The following STK33 variants were observed in gnomAD, a reference collection of about 807,000 sequenced individuals.
The protein encoded by STK33 is serine/threonine kinase 33.
Under a neutral mutation model 58.0 loss-of-function variants are expected in STK33, and 52 were observed. The observed-to-expected ratio is 0.90, with a 90% CI of 0.72 to 1.13. STK33 has a LOEUF of 1.13. Ranked by LOEUF, STK33 falls within the 50% of genes most tolerant of loss-of-function variation. The probability of loss-of-function intolerance (pLI) is 0.00; values close to 1 mark genes in which losing one functional copy is unlikely to be tolerated. For synonymous variants in STK33, 215 were observed against 200.1 expected, an observed-to-expected ratio of 1.07 and a Z score of -0.63; for missense variants, 630 against 604.2, an observed-to-expected ratio of 1.04 and a Z score of -0.45.
Position 8,577,344 on chromosome 11 carries a change from T to C in STK33, c.-466+16739A>G, listed in dbSNP as rs1036599111. On this transcript the variant is annotated intron_variant, in intron 1 of 15. Coordinates refer to ENST00000687296, the MANE Select transcript of STK33 (RefSeq NM_001352389.2). ...ATAGCAGAAGGAAAAATCAAAGATA[T>C]TTCAAGAATTCATTAATAAATCAGA... is the stretch of plus-strand genomic sequence containing the variant. 1.3e-5 allele frequency among the ~76,000 whole-genome samples: 2 copies of C among 152,084 alleles called. 1 individual carries two copies. Among genetic ancestry groups the C allele is most frequent in the Non-Finnish European group, 2.9e-5 (2 of 67,974 alleles).
chr11:8,593,403 C>A (rs2032925744), intron 1 of STK33, among the ~76,000 whole-genome samples: 1 of 152,208 alleles, frequency 6.6e-6, no homozygotes. Context: ...CCACTCTTAG[C>A]ATGCAAATAT....
chr11:8,561,468 A>G (rs1376123666), intron 1 of STK33, among the ~76,000 whole-genome samples: 1 of 151,946 alleles, frequency 6.6e-6, no homozygotes, highest in East Asian at 1.9e-4. Context: ...TCTTTTTTTT[A>G]ATCTTGAAGC....
chr11:8,465,106 CTATAA>C (rs1473874016), intron 6 of STK33: 6 of 212,860 alleles, frequency 2.8e-5, no homozygotes, highest in South Asian at 1.0e-4. Flanking sequence ...CTCTTTCAAA[CTATAA>C]TATATTAATG....
intron 9 of STK33, among the ~76,000 whole-genome samples, chr11:8,457,058 G>C (rs1000300095): frequency 6.6e-6 from 1 of 151,964 alleles, no homozygotes. Context: ...AGATGTTTTG[G>C]GAAACTTCAC....
chr11:8,551,100 T>C (rs577807680), intron 1 of STK33, among the ~76,000 whole-genome samples: 3 of 152,024 alleles, frequency 2.0e-5, no homozygotes, highest in East Asian at 1.9e-4. Flanking sequence ...GCAAAACGAC[T>C]CCCTGAAATT....
the STK33 span, among the ~76,000 whole-genome samples, chr11:8,344,143 G>T: frequency 6.6e-6 from 1 of 151,648 alleles, no homozygotes; most frequent in East Asian, 1.9e-4. Flanking sequence ...GTGAGGTCAG[G>T]AGTTCAAGAC....
the STK33 span, among the ~76,000 whole-genome samples, chr11:8,342,191 C>T: frequency 6.6e-6 from 1 of 152,200 alleles, no homozygotes; most frequent in East Asian, 1.9e-4. Context: ...TTGTGATTGG[C>T]TAAGCAGCTA....
At chr11:8,585,749 A>G (rs1591919965) in intron 1 of STK33, among the ~76,000 whole-genome samples, 1 of 151,632 alleles carries the variant, frequency 6.6e-6, no homozygotes, top group African/African-American at 2.4e-5. Flanking sequence ...TGTCTCTACA[A>G]AAAATACAAA....
intron 14 of STK33, among the ~76,000 whole-genome samples, chr11:8,416,558 C>T (rs1485744147): frequency 1.3e-5 from 2 of 152,106 alleles, no homozygotes; most frequent in African/African-American, 2.4e-5. Flanking sequence ...TCATACTGCT[C>T]TGCTATTTTA....
chr11:8,556,387 GTAAT>G (rs1956746772), intron 1 of STK33, among the ~76,000 whole-genome samples: 1 of 152,202 alleles, frequency 6.6e-6, no homozygotes, highest in South Asian at 2.1e-4. Flanking sequence ...TTATAAAAAT[GTAAT>G]TTATATGCAT....
chr11:8,414,168 T>C (rs1305788695), intron 14 of STK33, among the ~76,000 whole-genome samples: 8 of 152,168 alleles, frequency 5.3e-5, no homozygotes, highest in Admixed American at 1.3e-4. Context: ...TCTAAGAATA[T>C]AGATATTTAA....
chr11:8,471,942 T>C (rs1480188566), intron 6 of STK33, among the ~76,000 whole-genome samples: 1 of 152,192 alleles, frequency 6.6e-6, no homozygotes, highest in Non-Finnish European at 1.5e-5. Context: ...TTACTGTTTT[T>C]GGAGACAAGG....
intron 1 of STK33, among the ~76,000 whole-genome samples, chr11:8,591,914 C>T (rs750915455): frequency 2.5e-4 from 38 of 151,680 alleles, no homozygotes; most frequent in Non-Finnish European, 2.5e-4. Flanking sequence ...TGCAGCACAC[C>T]AACATGGCAC....
Position 8,457,386 on chromosome 11 carries a change from T to C in STK33, c.652A>G (p.Ile218Val). 6.2e-7 allele frequency: 1 copy of C among 1,606,722 alleles called. No homozygotes were observed. The highest frequency in any genetic ancestry group is 1.1e-5 in the South Asian group (1 of 89,992). Residue 218 changes from isoleucine (I) to valine (V), a missense_variant, in exon 9 of 16, where the codon ATC becomes GTC. Coordinates refer to ENST00000687296, the MANE Select transcript of STK33 (RefSeq NM_001352389.2). ...ATAGCTGATGCGAGACTTTGAATGA[T>C]CCACCTTGTCTCATTCTCTGAGAAA... ...GHFSENETRW[I>V]IQSLASAIAY...
chr11:8,392,757 C>T (rs1848750624), intron 15 of STK33, 47 bp from the exon 16 acceptor site: 2 of 1,593,164 alleles, frequency 1.3e-6, no homozygotes, highest in Non-Finnish European at 1.7e-6. Context: ...AAGCAATGCA[C>T]ATCAATTCAA....
intron 15 of STK33, among the ~76,000 whole-genome samples, chr11:8,405,824 A>C (rs1160714350): frequency 2.6e-5 from 4 of 152,224 alleles, no homozygotes; most frequent in East Asian, 3.9e-4. Context: ...TACCCCTTCG[A>C]ATTGCTTTGA....
the STK33 span, among the ~76,000 whole-genome samples, chr11:8,342,597 T>G: frequency 6.6e-6 from 1 of 152,240 alleles, no homozygotes; most frequent in Non-Finnish European, 1.5e-5. Context: ...TGCCCCACAC[T>G]TGCTACGTAT....
At chr11:8,335,046 A>T in the STK33 span, among the ~76,000 whole-genome samples, 1 of 152,210 alleles carries the variant, frequency 6.6e-6, no homozygotes, top group Non-Finnish European at 1.5e-5. Context: ...GCAGATCCTG[A>T]GGAGGTGCCA....
the STK33 span, among the ~76,000 whole-genome samples, chr11:8,350,759 G>T: frequency 6.6e-6 from 1 of 152,286 alleles, no homozygotes; most frequent in South Asian, 2.1e-4. Context: ...GGGCTGGTAT[G>T]TGCCTGCAGG....
Sources: allele counts gnomAD v4.1 joint callset (sites outside exome capture counted in the v4.1 genomes callset), GRCh38; gene constraint gnomAD v4.1.1; transcripts MANE v1.5; gene names NCBI Gene and HGNC (gene_info 2026-07-23, HGNC 2026-07-21).